The following WNK1 variants were observed in gnomAD, a reference collection of about 807,000 sequenced individuals.
WNK1 encodes WNK lysine deficient protein kinase 1.
WNK1 carries 38 observed loss-of-function variants against 222.8 expected under a neutral mutation model. The ratio of observed to expected loss-of-function variants is 0.17; its 90% CI spans 0.13 to 0.22. WNK1 has a LOEUF of 0.22. Among genes scored for constraint, WNK1 ranks in the 10% least tolerant of loss-of-function variants. The pLI is 1.00. For synonymous variants in WNK1, 1,090 were observed against 1,092.9 expected (o/e 1.00, Z 0.05); for missense variants, 2,348 against 2,918.4 (o/e 0.80, Z 4.50).
intron 1 of WNK1, among the ~76,000 whole-genome samples, chr12:757,026 A>G (rs1216961074): frequency 6.6e-6 from 1 of 152,208 alleles, no homozygotes; most frequent in Admixed American, 6.5e-5. Context: ...TTGGGAGATG[A>G]CAAAGCATTT....
rs1002546152 is a variant in WNK1, at chr12:782,049, C to T, written c.759+27725C>T. Among the ~76,000 whole-genome samples the T allele has an allele frequency of 1.3e-4, 20 of 152,210 alleles. 3 individuals are homozygous for T. Among genetic ancestry groups the T allele is most frequent in the Admixed American group, 7.2e-4 (11 of 15,268 alleles). On this transcript the variant is annotated intron_variant, in intron 1 of 27. Transcript: ENST00000315939. ...GAAAATGACAATTTTGTATACTTGG[C>T]TGGATTATTTTAAGTAACAAGTAAC...
In WNK1 at chr12:802,787, G is replaced by A. The variant is rs1434494647; in HGVS notation, c.760-10855G>A. Among the ~76,000 whole-genome samples, 4 of 152,286 alleles carry A rather than the reference G, an allele frequency of 2.6e-5. No homozygotes were observed. The East Asian group carries it at 7.7e-4, about 29-fold the overall frequency. On this transcript the variant is annotated intron_variant, in intron 1 of 27. Transcript: ENST00000315939. ...TATGATTTACATAAATGAAACTACA[G>A]TGTGAAGATGGACAGTAAATGAGAT...
intron 26 of WNK1, 77 bp downstream of exon 26, chr12:900,747 C>A: frequency 6.3e-7 from 1 of 1,575,374 alleles, no homozygotes; most frequent in Non-Finnish European, 8.7e-7. Context: ...CCTGTTAAGG[C>A]GGGTTGGGAG....
At chr12:841,789 A>G (rs1949646478) in intron 4 of WNK1, among the ~76,000 whole-genome samples, 1 of 152,192 alleles carries the variant, frequency 6.6e-6, no homozygotes, top group African/African-American at 2.4e-5. Flanking sequence ...CACATGGTGA[A>G]AGAGTCAAAA....
chr12:895,234 A>G (rs1222354320), intron 23 of WNK1, among the ~76,000 whole-genome samples: 2 of 152,118 alleles, frequency 1.3e-5, no homozygotes, highest in Non-Finnish European at 2.9e-5. Context: ...CAGGTCCTGA[A>G]CCTTTATAGG....
At chr12:813,192 C>T (rs1478405920) in intron 1 of WNK1, among the ~76,000 whole-genome samples, 4 of 152,182 alleles carry the variant, frequency 2.6e-5, no homozygotes, top group Non-Finnish European at 2.9e-5. Context: ...ATGATAGCAC[C>T]GCTGCATTCC....
At chr12:851,451 A>G in intron 4 of WNK1, 1 of 1,142,118 alleles carries the variant, frequency 8.8e-7, no homozygotes, top group Non-Finnish European at 1.1e-6. Flanking sequence ...AGCAGAAGGA[A>G]TATTAACAGA....
chr12:875,198 TAAG>T (rs1425949145), intron 9 of WNK1, among the ~76,000 whole-genome samples: 1 of 152,100 alleles, frequency 6.6e-6, no homozygotes, highest in East Asian at 1.9e-4. Context: ...AATTTTGAAT[TAAG>T]GAGGATGTAT....
chr12:851,050 T>A lies in WNK1; in HGVS notation c.1312-6111T>A, dbSNP rs1275114317. Reference sequence around the variant, plus strand: ...TAGTCTACCTTAATATCACTGCCTTTTAAATTAGGTGAACAGAGGAACTAT... The same window carrying A: ...TAGTCTACCTTAATATCACTGCCTTATAAATTAGGTGAACAGAGGAACTAT... On this transcript the variant is annotated intron_variant, in intron 4 of 27. Transcript: ENST00000315939. Among the ~76,000 whole-genome samples, 3 of 152,312 alleles carry A rather than the reference T, an allele frequency of 2.0e-5. No homozygotes were observed. In the East Asian group the frequency reaches 5.8e-4, roughly 29 times the overall value.
intron 4 of WNK1, among the ~76,000 whole-genome samples, chr12:850,210 CACA>C (rs1402775971): frequency 6.6e-6 from 1 of 152,082 alleles, no homozygotes; most frequent in African/African-American, 2.4e-5. Flanking sequence ...CCTATTTCTC[CACA>C]TCCTGTCCAG....
intron 15 of WNK1, 79 bp downstream of exon 15, chr12:883,138 T>C: frequency 9.0e-7 from 1 of 1,105,842 alleles, no homozygotes. Context: ...ATATGCCATA[T>C]TTTATAATCC....
At position 753,624 on chromosome 12, in the gene WNK1, C is replaced by A; in HGVS notation, c.59C>A (p.Pro20Gln). The change falls in exon 1 of 28, where the codon CCG becomes CAG. Residue 20 changes from proline (P) to glutamine (Q), a missense_variant. Physicochemically the swap from Pro to Gln is moderately conservative, Grantham distance 76 (BLOSUM62 -1). Around this residue, in one of 13 missense-constraint regions of WNK1, gnomAD observed 108 missense variants for 109.7 expected, o/e 0.98. Transcript: ENST00000315939. This position sits in a 1 kb window ranked among gnomAD's most constrained non-coding sequence, Gnocchi z 5.2. The stretch of plus-strand genomic sequence containing the variant: ...ACTCCCGGTTCCCTGTTCCTCTCGC[C>A]GCCGGCTCCTGCCCCCAAGAATGGC... Reference protein sequence around the residue: ...SSTPGSLFLSPPAPAPKNGSS... With the variant: ...SSTPGSLFLSQPAPAPKNGSS... 6.2e-7 allele frequency: 1 copy of A among 1,612,792 alleles called. No individual in the cohort carries two copies. Among genetic ancestry groups the A allele is most frequent in the Non-Finnish European group, 8.5e-7 (1 of 1,179,916 alleles).
In WNK1 at chr12:753,245, C is replaced by T. The variant is rs1939462345; in HGVS notation, c.-321C>T. ...CTCATGACTGCGGCGCCTCTGCTGC[C>T]ACCGCCCGCCCGGCCGCCGCTCGCC... On this transcript the variant is annotated 5_prime_UTR_variant, in exon 1 of 28. Transcript: ENST00000315939. The surrounding 1 kb of genome is among the most constrained non-coding windows in gnomAD (Gnocchi z 5.2). 3.0e-6 allele frequency: 1 copy of T among 332,390 alleles called. No individual in the cohort carries two copies. The highest frequency in any genetic ancestry group is 4.5e-5 in the South Asian group (1 of 22,460). The allele number at this position is 332,390 out of a possible 1,614,324, so 20.6% of individuals were successfully genotyped here. A position where few individuals can be genotyped will look rare whatever the true frequency, so the allele number is the denominator to read the frequency against.
rs543310206 is a variant in WNK1, at chr12:806,714, G to A, written c.760-6928G>A. ...TGCCTGGGAAGACAAAGGGAAATAG[G>A]GAATGAGTGATTTGTGGAGAGACTT... On this transcript the variant is annotated intron_variant, in intron 1 of 27. Transcript: ENST00000315939. Among the ~76,000 whole-genome samples the A allele has an allele frequency of 3.4e-4, 52 of 152,292 alleles. No homozygotes were observed. The South Asian group carries it at 0.01, about 30-fold the overall frequency.
At chr12:840,708 G>A (rs1033603017) in intron 4 of WNK1, among the ~76,000 whole-genome samples, 1 of 152,188 alleles carries the variant, frequency 6.6e-6, no homozygotes, top group South Asian at 2.1e-4. Context: ...TATGTCACCA[G>A]AACTTTGTAA....
intron 2 of WNK1, among the ~76,000 whole-genome samples, chr12:823,107 C>T (rs138337961): frequency 0.012 from 1,826 of 152,214 alleles, 25 homozygotes; most frequent in Middle Eastern, 0.078. Flanking sequence ...TATGTCATCC[C>T]ACTGCTTTCT....
At chr12:835,260 C>T (rs1391505643) in intron 4 of WNK1, among the ~76,000 whole-genome samples, 2 of 152,062 alleles carry the variant, frequency 1.3e-5, no homozygotes, top group African/African-American at 2.4e-5. Context: ...ATCGCCTGAG[C>T]CGGGGAGGTG....
Position 861,959 on chromosome 12 carries a change from A to G in WNK1, c.1952-124A>G, listed in dbSNP as rs1436394786. 4.6e-6 allele frequency: 5 copies of G among 1,080,916 alleles called. No homozygotes were observed. In the East Asian group the frequency reaches 1.0e-4, roughly 22 times the overall value. 67.0% of individuals were successfully genotyped at this position (1,080,916 alleles called of 1,614,324 possible). A position where few individuals can be genotyped will look rare whatever the true frequency, so the allele number is the denominator to read the frequency against. On this transcript the variant is annotated intron_variant, in intron 7 of 27. Transcript: ENST00000315939. ...TACAATTCATTTTTTATTTAGTTCA[A>G]ATCTGTGCAAGGAATAACTAGTTAC...
chr12:894,791 T>G (rs1425208705), intron 23 of WNK1, among the ~76,000 whole-genome samples, 156 bp downstream of exon 23: 1 of 152,174 alleles, frequency 6.6e-6, no homozygotes, highest in African/African-American at 2.4e-5. Flanking sequence ...CTAATAAAAG[T>G]AATATATACT....
Sources: gnomAD v4.1 joint callset for allele counts (sites outside exome capture counted in the v4.1 genomes callset) on GRCh38, gnomAD v4.1.1 for gene constraint, gnomAD v4.1.1 regional missense constraint, Gnocchi (gnomAD v3.1) non-coding constraint, MANE v1.5 for transcripts, NCBI Gene and HGNC (gene_info 2026-07-23, HGNC 2026-07-21) for gene names.